Variants in SUPT3H observed in about 807,000 individuals in gnomAD.
SUPT3H encodes the protein transcription initiation protein SPT3 homolog.
In SUPT3H, 44 loss-of-function variants were observed where a neutral mutation model predicts 44.3. That is an observed-to-expected ratio of 0.99 (90% confidence interval 0.78 to 1.28). The LOEUF (loss-of-function observed/expected upper bound fraction) is 1.28, where lower values mean the gene tolerates loss of function less well. Among genes scored for constraint, SUPT3H ranks in the 50% most tolerant of loss-of-function variants. SUPT3H has a pLI of 0.00. For synonymous variants in SUPT3H, 124 were observed against 125.6 expected (o/e 0.99, Z 0.09); for missense variants, 380 against 387.1 (o/e 0.98, Z 0.15).
intron 9 of SUPT3H, among the ~76,000 whole-genome samples, chr6:44,952,907 A>G (rs1439244056): frequency 6.6e-6 from 1 of 152,210 alleles, no homozygotes; most frequent in Non-Finnish European, 1.5e-5. Context: ...ACTGAAATGG[A>G]AAGTTATCAA....
intron 9 of SUPT3H, among the ~76,000 whole-genome samples, chr6:44,943,668 C>A (rs1002989192): frequency 6.6e-6 from 1 of 151,938 alleles, no homozygotes; most frequent in Non-Finnish European, 1.5e-5. Flanking sequence ...ACATTAGACA[C>A]AGGGAAACGA....
intron 2 of SUPT3H, among the ~76,000 whole-genome samples, chr6:45,128,557 TACAC>T (rs1173091186): frequency 0.081 from 4,583 of 56,430 alleles, 283 homozygotes; most frequent in African/African-American, 0.15. Flanking sequence ...TATATATATA[TACAC>T]ACACACACAC....
chr6:44,937,425 T>C (rs71566505), intron 9 of SUPT3H, among the ~76,000 whole-genome samples: 3 of 151,304 alleles, frequency 2.0e-5, no homozygotes, highest in Non-Finnish European at 2.9e-5. Flanking sequence ...ACCCGGGAGG[T>C]GGAGGTTGCA....
chr6:45,045,029 C>T (rs1010134133), intron 3 of SUPT3H, among the ~76,000 whole-genome samples: 6 of 151,946 alleles, frequency 3.9e-5, no homozygotes, highest in African/African-American at 1.5e-4. Flanking sequence ...AAAGAGTGAC[C>T]AACTCCATCT....
intron 6 of SUPT3H, among the ~76,000 whole-genome samples, chr6:44,999,292 A>G (rs1781692942): frequency 6.6e-6 from 1 of 152,018 alleles, no homozygotes; most frequent in Non-Finnish European, 1.5e-5. Context: ...TTTTTAACAG[A>G]CAAGGTCTTG....
At chr6:45,166,122 A>G (rs1381232446) in intron 2 of SUPT3H, among the ~76,000 whole-genome samples, 1 of 152,106 alleles carries the variant, frequency 6.6e-6, no homozygotes, top group Non-Finnish European at 1.5e-5. Context: ...GGGAGATGTC[A>G]TCTCTACAAA....
At chr6:45,049,881 T>C (rs904096468) in intron 3 of SUPT3H, among the ~76,000 whole-genome samples, 1 of 152,092 alleles carries the variant, frequency 6.6e-6, no homozygotes, top group Admixed American at 6.5e-5. Context: ...CATAATAATA[T>C]GGAAAAATTC....
At chr6:45,326,986 TTA>T (rs1228493560) in intron 2 of SUPT3H, among the ~76,000 whole-genome samples, 1 of 151,920 alleles carries the variant, frequency 6.6e-6, no homozygotes. Flanking sequence ...CTGTTCGCCT[TTA>T]TAATTTTGGT....
At chr6:45,179,487 C>G (rs1812694389) in intron 2 of SUPT3H, among the ~76,000 whole-genome samples, 1 of 152,186 alleles carries the variant, frequency 6.6e-6, no homozygotes, top group African/African-American at 2.4e-5. Context: ...CAATAAAATA[C>G]TGGCAAACCA....
intron 3 of SUPT3H, among the ~76,000 whole-genome samples, chr6:45,096,351 A>T (rs567892362): frequency 6.6e-6 from 1 of 152,282 alleles, no homozygotes. Flanking sequence ...TTCTTGAAAT[A>T]GTAAAATCGA....
chr6:44,877,456 G>A (rs1252854715), intron 10 of SUPT3H, among the ~76,000 whole-genome samples: 2 of 129,180 alleles, frequency 1.5e-5, no homozygotes, highest in Non-Finnish European at 3.2e-5. Flanking sequence ...GTGACAGAGT[G>A]AGACTCAGTC....
chr6:45,131,653 G>C (rs943221640), intron 2 of SUPT3H, among the ~76,000 whole-genome samples: 4 of 152,126 alleles, frequency 2.6e-5, no homozygotes, highest in Admixed American at 2.6e-4. Context: ...CAGATTGACG[G>C]AATATGTATA....
At chr6:45,230,368 T>C (rs1030588226) in intron 2 of SUPT3H, among the ~76,000 whole-genome samples, 2 of 152,104 alleles carry the variant, frequency 1.3e-5, no homozygotes, top group African/African-American at 4.8e-5. Flanking sequence ...TGTCTCTTTC[T>C]TTAGATCTAG....
chr6:44,954,591 T>C lies in SUPT3H; in HGVS notation c.597A>G (p.Lys199=), dbSNP rs1464255198. ...TGCTGCAGTCCAACCAGTCTCGAAA[T>C]TTGGAAGCTTTTTTGGCTGGCCATT... ...RQLSFSKKAS[K]FRDWLDCSSM... Residue 199 remains lysine, a synonymous_variant, in exon 8 of 11, where the codon AAA becomes AAG. Coordinates refer to ENST00000371459, the MANE Select transcript of SUPT3H (RefSeq NM_003599.4). 6.2e-7 allele frequency: 1 copy of C among 1,612,568 alleles called. No homozygotes were observed. The highest frequency in any genetic ancestry group is 2.2e-5 in the East Asian group (1 of 44,868).
Position 44,887,866 on chromosome 6 carries a change from T to C in SUPT3H, c.912+44787A>G, listed in dbSNP as rs1305648052. 3.4e-4 allele frequency among the ~76,000 whole-genome samples: 51 copies of C among 151,632 alleles called. No homozygotes were observed. The East Asian group carries it at 6.6e-3, about 20-fold the overall frequency. ...GAAAGGATCAACAAAATTGATAGACTGCTAGCAAGACTAATAAAGAAGAAA... is the reference window on the plus strand; with the variant it reads ...GAAAGGATCAACAAAATTGATAGACCGCTAGCAAGACTAATAAAGAAGAAA... On this transcript the variant is annotated intron_variant, in intron 10 of 10. Coordinates refer to ENST00000371459, the MANE Select transcript of SUPT3H (RefSeq NM_003599.4).
rs185292677 is a variant in SUPT3H at position 44,974,387 on chromosome 6, C to T, written c.505-12559G>A. ...CCCTCATAAATGAAGGTGCTGAAAC[C>T]AGAGATGCTTTGATAGAGGTGAGGG... On this transcript the variant is annotated intron_variant, in intron 6 of 10. Transcript: ENST00000371459. 6.7e-4 allele frequency among the ~76,000 whole-genome samples: 102 copies of T among 152,000 alleles called. 1 individual carries two copies. The highest frequency in any genetic ancestry group is 2.4e-3 in the African/African-American group (101 of 41,442).
At position 45,229,297 on chromosome 6, in the gene SUPT3H, TTA is replaced by T. The variant is rs564405573; in HGVS notation, c.102-123293_102-123292del. ...GGGACTCATTGTATCACAGCAGGAG[TTA>T]TGTCTTTAAACTCATTCTTTTTCCT... On this transcript the variant is annotated intron_variant, in intron 2 of 10. Coordinates refer to ENST00000371459, the MANE Select transcript of SUPT3H (RefSeq NM_003599.4). Among the ~76,000 whole-genome samples, 21 of 152,092 alleles carry T rather than the reference TTA, an allele frequency of 1.4e-4. No homozygotes were observed. In the South Asian group the frequency reaches 4.2e-3, roughly 30 times the overall value.
intron 10 of SUPT3H, among the ~76,000 whole-genome samples, chr6:44,867,080 T>G (rs547607049): frequency 6.6e-6 from 1 of 152,178 alleles, no homozygotes; most frequent in African/African-American, 2.4e-5. Context: ...GCCACTATGA[T>G]TACTGAAATT....
intron 10 of SUPT3H, among the ~76,000 whole-genome samples, chr6:44,916,907 A>G (rs1024449935): frequency 6.6e-6 from 1 of 152,060 alleles, no homozygotes; most frequent in Non-Finnish European, 1.5e-5. Flanking sequence ...AGGCTGAGGC[A>G]GCTGGATCGC....
Sources: allele counts gnomAD v4.1 joint callset (sites outside exome capture counted in the v4.1 genomes callset), GRCh38; gene constraint gnomAD v4.1.1; transcripts MANE v1.5; gene names NCBI Gene and HGNC (gene_info 2026-07-23, HGNC 2026-07-21).